CCDC85A: variants seen among roughly 807,000 people sequenced by gnomAD.
CCDC85A encodes coiled-coil domain-containing protein 85A.
A neutral mutation model predicts 50.2 loss-of-function variants in CCDC85A; 38 were observed. The observed-to-expected ratio is 0.76, with a 90% confidence interval of 0.58 to 0.99. The LOEUF is 0.99. CCDC85A is among the 50% of genes least tolerant of loss of function. The pLI is 0.00. For missense variants in CCDC85A, 820 were observed against 742.0 expected, an observed-to-expected ratio of 1.11 and a Z score of -1.22; for synonymous variants, 366 against 301.4, an observed-to-expected ratio of 1.21 and a Z score of -2.22.
chr2:56,270,912 G>A (rs1670669153), intron 2 of CCDC85A, among the ~76,000 whole-genome samples: 1 of 152,182 alleles, frequency 6.6e-6, no homozygotes, highest in African/African-American at 2.4e-5. Flanking sequence ...ACATAATCAA[G>A]TGCCTTTTCT....
At chr2:56,329,945 GTTTTTTTTTTTTTTTTTTTT>G (rs535050957) in intron 2 of CCDC85A, among the ~76,000 whole-genome samples, 887 of 44,182 alleles carry the variant, frequency 0.02, 38 homozygotes, top group African/African-American at 0.061. Flanking sequence ...CAGATTTCCT[GTTTTTTTTTTTTTTTTTTTT>G]TTTTTTTTTT....
chr2:56,347,222 A>G (rs1266475450), intron 3 of CCDC85A, among the ~76,000 whole-genome samples: 1 of 152,148 alleles, frequency 6.6e-6, no homozygotes, highest in East Asian at 1.9e-4. Flanking sequence ...CCCCCTTTTC[A>G]GTCAAGGTGT....
intron 2 of CCDC85A, among the ~76,000 whole-genome samples, chr2:56,219,031 T>C (rs1014355423): frequency 6.6e-6 from 1 of 151,420 alleles, no homozygotes; most frequent in African/African-American, 2.4e-5. Flanking sequence ...AAGCTCTTCC[T>C]CTATTTTTTT....
At chr2:56,275,181 C>T (rs186611545) in intron 2 of CCDC85A, among the ~76,000 whole-genome samples, 1 of 152,158 alleles carries the variant, frequency 6.6e-6, no homozygotes, top group African/African-American at 2.4e-5. Context: ...CACCATGAAT[C>T]TGTTATATTA....
At chr2:56,248,481 G>A (rs1470487057) in intron 2 of CCDC85A, among the ~76,000 whole-genome samples, 4 of 152,056 alleles carry the variant, frequency 2.6e-5, no homozygotes, top group Admixed American at 1.3e-4. Flanking sequence ...CCTTGTGGCT[G>A]GCCTATCTCC....
intron 3 of CCDC85A, among the ~76,000 whole-genome samples, chr2:56,352,291 ATCTATAT>A (rs1674990194): frequency 6.6e-6 from 1 of 152,184 alleles, no homozygotes; most frequent in Non-Finnish European, 1.5e-5. Context: ...ATACATAAAG[ATCTATAT>A]TCTTTGACAA....
intron 2 of CCDC85A, among the ~76,000 whole-genome samples, chr2:56,287,312 T>C (rs527322690): frequency 5.9e-5 from 9 of 152,326 alleles, no homozygotes; most frequent in African/African-American, 2.2e-4. Context: ...GGCTGCGAGC[T>C]TCAATTTGCA....
chr2:56,368,591 T>A (rs1357768038), intron 3 of CCDC85A, among the ~76,000 whole-genome samples: 4 of 152,110 alleles, frequency 2.6e-5, no homozygotes, highest in Non-Finnish European at 5.9e-5. Context: ...TTATAAAAAA[T>A]TAAGCATCTT....
intron 2 of CCDC85A, among the ~76,000 whole-genome samples, chr2:56,279,989 T>C (rs1019181284): frequency 1.3e-5 from 2 of 152,200 alleles, no homozygotes; most frequent in Non-Finnish European, 2.9e-5. Context: ...TGCCTAATCC[T>C]TAAATCTAAA....
chr2:56,286,921 C>G (rs1046425610), intron 2 of CCDC85A, among the ~76,000 whole-genome samples: 31 of 152,248 alleles, frequency 2.0e-4, no homozygotes, highest in African/African-American at 6.5e-4. Flanking sequence ...TTTTATTCCC[C>G]TTTAGGTTGG....
At chr2:56,317,264 A>T (rs1369671323) in intron 2 of CCDC85A, among the ~76,000 whole-genome samples, 2 of 152,090 alleles carry the variant, frequency 1.3e-5, no homozygotes, top group African/African-American at 4.8e-5. Flanking sequence ...AATTTAAGCA[A>T]TTTATCTGTA....
chr2:56,216,519 A>G (rs1449245304), intron 2 of CCDC85A, among the ~76,000 whole-genome samples: 1 of 151,824 alleles, frequency 6.6e-6, no homozygotes, highest in Non-Finnish European at 1.5e-5. Flanking sequence ...GTTTATCGAC[A>G]TTAATTCTTT....
chr2:56,237,650 CAG>C (rs1276670580), intron 2 of CCDC85A, among the ~76,000 whole-genome samples: 1 of 152,018 alleles, frequency 6.6e-6, no homozygotes, highest in East Asian at 1.9e-4. Flanking sequence ...ATCCACTGAG[CAG>C]TATGCAGTAG....
At chr2:56,292,983 C>T (rs948020539) in intron 2 of CCDC85A, among the ~76,000 whole-genome samples, 2 of 152,210 alleles carry the variant, frequency 1.3e-5, no homozygotes, top group African/African-American at 4.8e-5. Context: ...ACCATTCCAG[C>T]TTTTCCATGT....
intron 2 of CCDC85A, among the ~76,000 whole-genome samples, chr2:56,264,511 C>T (rs187448612): frequency 2.4e-4 from 36 of 152,222 alleles, no homozygotes; most frequent in Admixed American, 2.0e-3. Context: ...ATCCAGAATC[C>T]ATTCATTTGT....
chr2:56,317,632 G>T (rs114533333), intron 2 of CCDC85A, among the ~76,000 whole-genome samples: 4,225 of 152,084 alleles, frequency 0.028, 85 homozygotes, highest in Non-Finnish European at 0.047. Context: ...ACTGAAAAAG[G>T]GTGCTTATTT....
intron 2 of CCDC85A, among the ~76,000 whole-genome samples, chr2:56,268,215 A>G (rs1377616699): frequency 6.6e-6 from 1 of 152,204 alleles, no homozygotes; most frequent in African/African-American, 2.4e-5. Flanking sequence ...ATCTTATGGA[A>G]CATTGAAGAC....
intron 5 of CCDC85A, among the ~76,000 whole-genome samples, chr2:56,376,191 C>T (rs561309503): frequency 8.6e-5 from 13 of 152,008 alleles, no homozygotes; most frequent in East Asian, 1.9e-4. Context: ...CTATCGGCAT[C>T]GAAGTTACAG....
At chr2:56,344,519 A>G (rs1674535538) in intron 3 of CCDC85A, among the ~76,000 whole-genome samples, 1 of 152,196 alleles carries the variant, frequency 6.6e-6, no homozygotes, top group Non-Finnish European at 1.5e-5. Context: ...AACTGAGGCT[A>G]AGGGTGGAAT....
Sources: allele counts gnomAD v4.1 joint callset (sites outside exome capture counted in the v4.1 genomes callset), GRCh38; gene constraint gnomAD v4.1.1; transcripts MANE v1.5; gene names NCBI Gene and HGNC (gene_info 2026-07-23, HGNC 2026-07-21).